MGAM: variants seen among roughly 807,000 people sequenced by gnomAD.
The protein encoded by MGAM is alpha-1,4-glucosidase.
A neutral mutation model predicts 358.8 loss-of-function variants in MGAM; 253 were observed. That is an observed-to-expected ratio of 0.71 (90% CI 0.64 to 0.78). MGAM has a LOEUF of 0.78. Ranked by LOEUF, MGAM falls within the 30% of genes least tolerant of loss-of-function variation. The pLI is 0.00. For synonymous variants in MGAM, 1,105 were observed against 1,227.1 expected (o/e 0.90, Z 2.08); for missense variants, 3,080 against 3,432.6 (o/e 0.90, Z 2.57).
At chr7:142,041,962 TATATATATTATATATATATAATATA>T (rs1437063989) in intron 21 of MGAM, among the ~76,000 whole-genome samples, 18 of 25,032 alleles carry the variant, frequency 7.2e-4, no homozygotes, top group Non-Finnish European at 1.3e-3. Flanking sequence ...ATATATAATA[TATATATATTATATATATATAATATA>T]ATATATATAT....
chr7:142,054,736 T>C lies in MGAM; in HGVS notation c.3160-18T>C, dbSNP rs768026357. The C allele has an allele frequency of 4.3e-6, 7 of 1,613,112 alleles. No homozygotes were observed. The highest frequency in any genetic ancestry group is 4.5e-5 in the East Asian group (2 of 44,878). On this transcript the variant is annotated intron_variant, in intron 26 of 70. Transcript: ENST00000475668. ...CAAGAGTAGTATTGTTGCCTAAAAT[T>C]GATTTCCTCTGGCCTAGATTTATGA...
At chr7:142,017,619 CTTTTTATGCTGAGGTTTCCT>C (rs1806073861) in intron 3 of MGAM, among the ~76,000 whole-genome samples, 1 of 151,574 alleles carries the variant, frequency 6.6e-6, no homozygotes, top group African/African-American at 2.4e-5. Flanking sequence ...ACTTTTTTTT[CTTTTTATGCTGAGGTTTCCT>C]CTGAGTGGGT....
chr7:142,089,320 T>A (rs1207611676), intron 57 of MGAM, among the ~76,000 whole-genome samples: 1 of 146,594 alleles, frequency 6.8e-6, no homozygotes, highest in Non-Finnish European at 1.5e-5. Context: ...TGGGCAGGGA[T>A]GCCCATAGCT....
intron 44 of MGAM, 105 bp from the exon 45 acceptor site, chr7:142,073,980 G>C: frequency 3.7e-6 from 3 of 820,602 alleles, no homozygotes; most frequent in African/African-American, 3.3e-5. Flanking sequence ...AGAACCATCT[G>C]CTGCTAGTAT....
intron 24 of MGAM, 39 bp from the exon 25 acceptor site, chr7:142,052,255 C>T: frequency 6.5e-7 from 1 of 1,546,060 alleles, no homozygotes; most frequent in African/African-American, 1.4e-5. Context: ...AGCCTGTCTC[C>T]TAAAGATGAA....
At chr7:142,044,524 A>G (rs1809732550) in intron 21 of MGAM, among the ~76,000 whole-genome samples, 1 of 138,718 alleles carries the variant, frequency 7.2e-6, no homozygotes, top group South Asian at 2.3e-4. Flanking sequence ...TGTATATTAT[A>G]CACTTACGAT....
chr7:142,008,495 T>C lies in MGAM; in HGVS notation c.128-11T>C. 1 of 1,598,498 alleles carries C rather than the reference T, an allele frequency of 6.3e-7. No homozygotes were observed. Among genetic ancestry groups the C allele is most frequent in the South Asian group, 1.1e-5 (1 of 88,978 alleles). On this transcript the variant is annotated splice_polypyrimidine_tract_variant and intron_variant, in intron 2 of 70. Coordinates refer to ENST00000475668, the MANE Select transcript of MGAM (RefSeq NM_001365693.1). Reference sequence around the variant, plus strand: ...TGTCTAATGGTCTTTTTATGTTTGCTTTTGGTATAGCCCCAGATCCTGGGA... The same window carrying C: ...TGTCTAATGGTCTTTTTATGTTTGCCTTTGGTATAGCCCCAGATCCTGGGA...
chr7:142,046,850 G>A (rs1388683537), intron 21 of MGAM, among the ~76,000 whole-genome samples: 1 of 151,826 alleles, frequency 6.6e-6, no homozygotes, highest in Non-Finnish European at 1.5e-5. Context: ...TTCATTGTTC[G>A]CCTTCATTTT....
chr7:142,036,290 G>A lies in MGAM; in HGVS notation c.2076+5G>A. ...CACAATGGCCAAGGCTACAAGGTAA[G>A]GCTCCTAGGACATAGAGTCAGAATA... On this transcript the variant is annotated splice_donor_5th_base_variant and intron_variant, in intron 17 of 70. Coordinates refer to ENST00000475668, the MANE Select transcript of MGAM (RefSeq NM_001365693.1). 6.3e-7 allele frequency: 1 copy of A among 1,588,038 alleles called. No individual in the cohort carries two copies. Among genetic ancestry groups the A allele is most frequent in the Non-Finnish European group, 8.6e-7 (1 of 1,163,166 alleles).
intron 10 of MGAM, among the ~76,000 whole-genome samples, chr7:142,028,910 A>G (rs1554462081): frequency 2.0e-5 from 3 of 151,986 alleles, no homozygotes; most frequent in African/African-American, 7.3e-5. Flanking sequence ...TGGGGGAGGG[A>G]TAACAGAAAA....
At chr7:142,000,494 A>C (rs1230188115) in intron 1 of MGAM, among the ~76,000 whole-genome samples, 1 of 152,194 alleles carries the variant, frequency 6.6e-6, no homozygotes, top group East Asian at 1.9e-4. Context: ...GTTGAAAGTG[A>C]GTCACTAAGT....
intron 50 of MGAM, among the ~76,000 whole-genome samples, chr7:142,081,456 G>C (rs1563204899): frequency 1.4e-5 from 2 of 145,522 alleles, no homozygotes; most frequent in Non-Finnish European, 3.1e-5. Context: ...AAGGGAAAGA[G>C]CATTTCAGAC....
chr7:142,078,967 C>T lies in MGAM; in HGVS notation c.5806C>T (p.Leu1936=), dbSNP rs1320649558. The T allele has an allele frequency of 6.4e-7, 1 of 1,555,814 alleles. No homozygotes were observed. The highest frequency in any genetic ancestry group is 1.3e-5 in the African/African-American group (1 of 74,612). Residue 1936 remains leucine, a synonymous_variant, in exon 49 of 71, where the codon CTG becomes TTG. Transcript: ENST00000475668. The part of the protein sequence containing the change: ...FPSTPVNPLR[L]DVTYHKNEML... The stretch of plus-strand genomic sequence containing the variant: ...TTCCACACCCGTGAACCCCCTTCGC[C>T]TGGATGTCACTTACCATAAGAATGA...
intron 22 of MGAM, among the ~76,000 whole-genome samples, chr7:142,048,233 A>G (rs926323750): frequency 4.0e-5 from 6 of 151,350 alleles, no homozygotes; most frequent in Non-Finnish European, 1.5e-5. Flanking sequence ...GCTCACTGCA[A>G]CCTCTGCCTC....
intron 3 of MGAM, among the ~76,000 whole-genome samples, chr7:142,012,147 C>G (rs1436475661): frequency 2.6e-5 from 4 of 152,200 alleles, no homozygotes; most frequent in Admixed American, 1.3e-4. Flanking sequence ...TCATTCTACT[C>G]ATTTTCTTCA....
chr7:142,034,301 T>G lies in MGAM; in HGVS notation c.1709T>G (p.Met570Arg), dbSNP rs1554464956. 1 of 1,600,202 alleles carries G rather than the reference T, an allele frequency of 6.2e-7. No homozygotes were observed. Residue 570 changes from methionine to arginine, a missense_variant, in exon 15 of 71, where the codon ATG becomes AGG. Met to Arg is a moderately conservative substitution (Grantham distance 91). This residue lies in a region of MGAM where 1,816 missense variants were observed against 1,840.5 expected (regional missense o/e 0.99). Coordinates refer to ENST00000475668, the MANE Select transcript of MGAM (RefSeq NM_001365693.1). ...TACCTGTTCTGCAAGACTCTCTGTATGGATGCAGTGCAGCACTGGGGCAAG... is the reference window on the plus strand; with the variant it reads ...TACCTGTTCTGCAAGACTCTCTGTAGGGATGCAGTGCAGCACTGGGGCAAG... ...DGYLFCKTLC[M>R]DAVQHWGKQY...
intron 3 of MGAM, among the ~76,000 whole-genome samples, chr7:142,018,665 G>A (rs1338311878): frequency 1.3e-5 from 2 of 152,148 alleles, no homozygotes; most frequent in African/African-American, 4.8e-5. Flanking sequence ...ATCTATTTGG[G>A]TGTCAAGAAA....
chr7:142,086,081 G>A, intron 55 of MGAM, 120 bp downstream of exon 55: 1 of 1,464,068 alleles, frequency 6.8e-7, no homozygotes, highest in Non-Finnish European at 9.3e-7. Flanking sequence ...TAAGAAATGT[G>A]TATTTCCCTG....
In MGAM at chr7:142,008,610, C is replaced by T. The variant is rs781834966; in HGVS notation, c.232C>T (p.Pro78Ser). Residue 78 changes from proline (P) to serine (S), a missense_variant, in exon 3 of 71, where the codon CCT (proline) becomes TCT (serine). Pro to Ser is a moderately conservative substitution (Grantham distance 74, BLOSUM62 -1). This residue lies in a region of MGAM where 1,816 missense variants were observed against 1,840.5 expected (regional missense o/e 0.99). Transcript: ENST00000475668. ...TGCTAGGACAACGGGTCCCCCAGAT[C>T]CTGGAACAACTGGTACCACTCCTGT... ...THARTTGPPDPGTTGTTPVSA... is the reference protein window; with the variant it reads ...THARTTGPPDSGTTGTTPVSA... The T allele has an allele frequency of 6.2e-7, 1 of 1,613,438 alleles. No homozygotes were observed. The highest frequency in any genetic ancestry group is 8.5e-7 in the Non-Finnish European group (1 of 1,179,622).
Sources: allele counts gnomAD v4.1 joint callset (sites outside exome capture counted in the v4.1 genomes callset), GRCh38; gene constraint gnomAD v4.1.1; regional missense constraint gnomAD v4.1.1; transcripts MANE v1.5; gene names NCBI Gene and HGNC (gene_info 2026-07-23, HGNC 2026-07-21).